EFCAB10: variants seen among roughly 807,000 people sequenced by gnomAD.
EFCAB10 encodes EF-hand calcium binding domain 10.
Under a neutral mutation model 7.7 loss-of-function variants are expected in EFCAB10, and 7 were observed. The ratio of observed to expected loss-of-function variants is 0.91; its 90% CI spans 0.52 to 1.72. The LOEUF (loss-of-function observed/expected upper bound fraction) is 1.72. EFCAB10 is among the 40% of genes most tolerant of loss of function. The pLI, the probability that EFCAB10 is intolerant of heterozygous loss-of-function variation, is 0.00. For synonymous variants in EFCAB10, 52 were observed against 21.0 expected, an observed-to-expected ratio of 2.47 and a Z score of -4.03; for missense variants, 112 against 61.5, an observed-to-expected ratio of 1.82 and a Z score of -2.74.
chr7:105,569,545 G>C lies in EFCAB10; in HGVS notation c.133C>G (p.Leu45Val), dbSNP rs1344986876. The part of the protein sequence containing the change: ...PEKPKEYLIS[L>V]LERLRIAKVT... ...TTTGCAATTCTCAGTCGTTCCAATA[G>C]AGATATTAAATATTCTTTTGGTTTT... The change falls in exon 2 of 5, where the codon CTA becomes GTA. Residue 45 changes from leucine to valine, a missense_variant. Coordinates refer to ENST00000480514, the MANE Select transcript of EFCAB10 (RefSeq NM_001355526.2). 5.7e-6 allele frequency: 4 copies of C among 697,790 alleles called. No individual in the cohort carries two copies. The allele number at this position is 697,790 out of a possible 1,614,324, so 43.2% of individuals were successfully genotyped here.
chr7:105,566,092 A>AC (rs1253843720), intron 4 of EFCAB10, among the ~76,000 whole-genome samples: 2 of 144,844 alleles, frequency 1.4e-5, no homozygotes, highest in African/African-American at 5.2e-5. Context: ...ACATAGTGAT[A>AC]CCCCCATCTC....
At chr7:105,566,873 T>C (rs1399798789) in intron 4 of EFCAB10, 1 of 271,944 alleles carries the variant, frequency 3.7e-6, no homozygotes, top group Non-Finnish European at 6.8e-6. Flanking sequence ...AAGTATTGTA[T>C]TTAGGGAAAT....
At chr7:105,576,529 G>A (rs891471840) in intron 1 of EFCAB10, among the ~76,000 whole-genome samples, 5 of 152,090 alleles carry the variant, frequency 3.3e-5, no homozygotes, top group East Asian at 3.9e-4. Context: ...TGCAAGCTCC[G>A]CCTCCCAGGC....
At chr7:105,577,460 T>C (rs1364560541) in intron 1 of EFCAB10, among the ~76,000 whole-genome samples, 1 of 152,178 alleles carries the variant, frequency 6.6e-6, no homozygotes, top group Admixed American at 6.5e-5. Flanking sequence ...TTACTGTGGA[T>C]TATGAATTGA....
chr7:105,580,195 C>T (rs1023415335), intron 1 of EFCAB10, among the ~76,000 whole-genome samples: 1 of 152,112 alleles, frequency 6.6e-6, no homozygotes, highest in Middle Eastern at 3.2e-3. Context: ...CCATGTTGCC[C>T]AGGCTGGTCT....
chr7:105,572,510 A>G (rs1192413242), intron 1 of EFCAB10: 4 of 152,206 alleles, frequency 2.6e-5, no homozygotes, highest in Non-Finnish European at 5.9e-5. Context: ...GTATTTCTTC[A>G]ACATACTGAT....
At chr7:105,567,083 G>T in intron 4 of EFCAB10, 1 of 1,319,808 alleles carries the variant, frequency 7.6e-7, no homozygotes. Context: ...GCAGATAATG[G>T]AGATCTCATT....
intron 1 of EFCAB10, 93 bp downstream of exon 1, chr7:105,581,265 G>C (rs1045124365): frequency 3.0e-6 from 2 of 661,798 alleles, no homozygotes; most frequent in African/African-American, 1.8e-5. Context: ...GTGGCTGGGA[G>C]GCAGTGGAAA....
intron 1 of EFCAB10, chr7:105,571,910 C>T (rs1791957830): frequency 6.6e-6 from 1 of 152,210 alleles, no homozygotes; most frequent in South Asian, 2.1e-4. Flanking sequence ...ATTCCCAGAG[C>T]CCTCAGAGTT....
intron 3 of EFCAB10, 69 bp downstream of exon 3, chr7:105,569,134 A>G (rs1791871405): frequency 1.5e-6 from 1 of 687,118 alleles, no homozygotes; most frequent in East Asian, 2.7e-5. Context: ...AACCTGTTTT[A>G]AAGGTATTAA....
At chr7:105,565,680 G>T in intron 4 of EFCAB10, 1 of 1,389,232 alleles carries the variant, frequency 7.2e-7, no homozygotes, top group Non-Finnish European at 1.0e-6. Context: ...TAATATTAAT[G>T]TATCAAATTG....
intron 1 of EFCAB10, 63 bp from the exon 2 acceptor site, chr7:105,569,634 G>A (rs969920698): frequency 1.5e-6 from 1 of 661,332 alleles, no homozygotes; most frequent in African/African-American, 1.8e-5. Context: ...AATAGAAGTA[G>A]TCATTTAACA....
chr7:105,570,425 T>C (rs977303929), intron 1 of EFCAB10, among the ~76,000 whole-genome samples: 1 of 151,214 alleles, frequency 6.6e-6, no homozygotes, highest in Admixed American at 6.6e-5. Flanking sequence ...ATTTTAAAAA[T>C]AAAAAATCAC....
chr7:105,579,880 T>A (rs541862174), intron 1 of EFCAB10, among the ~76,000 whole-genome samples: 1 of 152,200 alleles, frequency 6.6e-6, no homozygotes, highest in Non-Finnish European at 1.5e-5. Context: ...TTAAACCCCA[T>A]ACATCCACTT....
chr7:105,568,363 T>C (rs1791846249), intron 3 of EFCAB10, among the ~76,000 whole-genome samples: 2 of 152,208 alleles, frequency 1.3e-5, no homozygotes, highest in South Asian at 4.1e-4. Flanking sequence ...TCCACAACTA[T>C]TAAATTTTAT....
At chr7:105,565,748 G>C (rs1791699488) in intron 4 of EFCAB10, 3 of 753,454 alleles carry the variant, frequency 4.0e-6, no homozygotes, top group Admixed American at 5.3e-5. Context: ...GGTGGGATAA[G>C]ATCAGTTGAA....
At chr7:105,571,413 G>A (rs1791945734) in intron 1 of EFCAB10, 2 of 152,128 alleles carry the variant, frequency 1.3e-5, no homozygotes, top group African/African-American at 4.8e-5. Flanking sequence ...ATTCTTCAAA[G>A]AACTGTTAAC....
chr7:105,569,621 G>A (rs948350912), intron 1 of EFCAB10, 50 bp from the exon 2 acceptor site: 17 of 672,800 alleles, frequency 2.5e-5, no homozygotes, highest in African/African-American at 7.2e-5. Context: ...AAAATATGTC[G>A]CAAATAGAAG....
chr7:105,572,396 C>T (rs543478767), intron 1 of EFCAB10: 1 of 152,310 alleles, frequency 6.6e-6, no homozygotes, highest in East Asian at 1.9e-4. Flanking sequence ...AATAGTATTT[C>T]ATTGTGTATA....
Sources: gnomAD v4.1 joint callset for allele counts (sites outside exome capture counted in the v4.1 genomes callset) on GRCh38, gnomAD v4.1.1 for gene constraint, MANE v1.5 for transcripts, NCBI Gene and HGNC (gene_info 2026-07-23, HGNC 2026-07-21) for gene names.